The following PCDHA10 variants were observed in gnomAD, a reference collection of about 807,000 sequenced individuals.
The protein encoded by PCDHA10 is protocadherin alpha 10, also known as protocadherin alpha-10.
PCDHA10 carries 45 observed loss-of-function variants against 61.2 expected under a neutral mutation model. The ratio of observed to expected loss-of-function variants is 0.74; its 90% confidence interval spans 0.58 to 0.94. The LOEUF is 0.94. Among genes scored for constraint, PCDHA10 ranks in the 40% least tolerant of loss-of-function variants. The probability of loss-of-function intolerance (pLI) is 0.00; values close to 1 mark genes in which losing one functional copy is unlikely to be tolerated. For missense variants in PCDHA10, 1,278 were observed against 1,236.2 expected (o/e 1.03, Z -0.51); for synonymous variants, 602 against 548.8 (o/e 1.10, Z -1.35).
At chr5:140,889,745 T>G (rs1295441616) in intron 1 of PCDHA10, among the ~76,000 whole-genome samples, 2 of 152,202 alleles carry the variant, frequency 1.3e-5, no homozygotes, top group Non-Finnish European at 2.9e-5. Flanking sequence ...CAGAGTCTAA[T>G]TTTTCTTTCC....
chr5:140,916,210 A>G, intron 1 of PCDHA10, among the ~76,000 whole-genome samples: 1 of 152,210 alleles, frequency 6.6e-6, no homozygotes, highest in East Asian at 1.9e-4. Context: ...GCCCTGGGGA[A>G]GATCCAAATA....
At chr5:140,867,070 CA>C (rs1214152735) in intron 1 of PCDHA10, 1 of 152,124 alleles carries the variant, frequency 6.6e-6, no homozygotes, top group Non-Finnish European at 1.5e-5. Flanking sequence ...TATATATTCA[CA>C]AAATACTGTA....
intron 1 of PCDHA10, among the ~76,000 whole-genome samples, chr5:140,897,927 C>T (rs2066407931): frequency 6.6e-6 from 1 of 152,196 alleles, no homozygotes. Context: ...ATTTGCGTTT[C>T]TCTGATGGCC....
intron 1 of PCDHA10, chr5:140,870,539 G>C (rs367673976): frequency 1.2e-5 from 20 of 1,614,040 alleles, no homozygotes; most frequent in Admixed American, 1.7e-5. Context: ...GTGTCGGCGC[G>C]GGACGCGGAC....
intron 1 of PCDHA10, among the ~76,000 whole-genome samples, chr5:140,945,351 A>C (rs1368185977): frequency 6.6e-6 from 1 of 152,138 alleles, no homozygotes; most frequent in Admixed American, 6.5e-5. Flanking sequence ...GGAAAAATTA[A>C]TACTGTTTAA....
chr5:140,875,564 T>C (rs1327477761), intron 1 of PCDHA10: 1 of 1,614,048 alleles, frequency 6.2e-7, no homozygotes, highest in African/African-American at 1.3e-5. Flanking sequence ...AGCGGCCAGC[T>C]CCACTACTCC....
At chr5:140,920,960 A>C (rs1554200006) in intron 1 of PCDHA10, among the ~76,000 whole-genome samples, 1 of 151,930 alleles carries the variant, frequency 6.6e-6, no homozygotes, top group Admixed American at 6.6e-5. Flanking sequence ...CTACACATGT[A>C]GTACTAGAGT....
chr5:140,910,715 A>C (rs2075137767), intron 1 of PCDHA10, among the ~76,000 whole-genome samples: 1 of 152,118 alleles, frequency 6.6e-6, no homozygotes, highest in Admixed American at 6.5e-5. Flanking sequence ...GCCATCTTTT[A>C]ATCCATATTT....
chr5:140,999,304 C>G (rs1587831145), intron 3 of PCDHA10, among the ~76,000 whole-genome samples: 2 of 152,190 alleles, frequency 1.3e-5, no homozygotes, highest in East Asian at 3.8e-4. Flanking sequence ...TTCAGAATTT[C>G]TTCATGACAG....
intron 3 of PCDHA10, among the ~76,000 whole-genome samples, chr5:140,985,651 T>A (rs1413086230): frequency 6.6e-6 from 1 of 151,992 alleles, no homozygotes; most frequent in Non-Finnish European, 1.5e-5. Context: ...ACACTTGCAA[T>A]GGCTGAATAA....
At chr5:140,904,125 C>G (rs2070849198) in intron 1 of PCDHA10, among the ~76,000 whole-genome samples, 1 of 151,972 alleles carries the variant, frequency 6.6e-6, no homozygotes, top group East Asian at 1.9e-4. Flanking sequence ...TTTTGGTGCA[C>G]CCATCACCCG....
intron 1 of PCDHA10, chr5:140,863,483 G>A: frequency 4.3e-6 from 2 of 464,772 alleles, no homozygotes; most frequent in Non-Finnish European, 8.6e-6. Context: ...CGCCTCCCAA[G>A]GTCAACATTA....
intron 1 of PCDHA10, among the ~76,000 whole-genome samples, chr5:140,978,727 G>A (rs1382730289): frequency 1.3e-5 from 2 of 152,198 alleles, no homozygotes; most frequent in South Asian, 2.1e-4. Flanking sequence ...TATTAAATCT[G>A]GTCTTCCAGG....
intron 1 of PCDHA10, among the ~76,000 whole-genome samples, chr5:140,943,803 G>A (rs1429767850): frequency 6.6e-6 from 1 of 152,214 alleles, no homozygotes; most frequent in Non-Finnish European, 1.5e-5. Flanking sequence ...AAGCAAAAGA[G>A]GAAAGTTTGA....
intron 2 of PCDHA10, among the ~76,000 whole-genome samples, chr5:140,979,550 T>C (rs1201791524): frequency 5.3e-5 from 8 of 152,238 alleles, no homozygotes; most frequent in Non-Finnish European, 7.3e-5. Flanking sequence ...ACATGGTTCT[T>C]CAGAAGATGA....
intron 1 of PCDHA10, chr5:140,870,750 G>C: frequency 1.2e-6 from 2 of 1,613,506 alleles, no homozygotes; most frequent in Non-Finnish European, 1.7e-6. Flanking sequence ...GCAACGTGAC[G>C]CTGCAGGTGT....
chr5:140,915,513 A>T (rs2077156707), intron 1 of PCDHA10, among the ~76,000 whole-genome samples: 2 of 152,124 alleles, frequency 1.3e-5, no homozygotes, highest in African/African-American at 2.4e-5. Context: ...GTTTTTGCAG[A>T]CTAGTAGAGG....
rs17844338 is a variant in PCDHA10 at position 140,856,229 on chromosome 5, C to G, written c.181C>G (p.Arg61Gly). 6.3e-7 allele frequency: 1 copy of G among 1,597,934 alleles called. No individual in the cohort carries two copies. The highest frequency in any genetic ancestry group is 1.1e-5 in the South Asian group (1 of 90,502). The change falls in exon 1 of 4, where the codon CGC becomes GGC. Residue 61 changes from arginine (R) to glycine (G), a missense_variant. By Grantham distance (125) the Arg-to-Gly change is moderately radical. Transcript: ENST00000307360. ...LGLELAELVQ[R>G]LFRVASKRHG... ...GCTGGAGCTGGCGGAGCTGGTGCAG[C>G]GCCTGTTCCGGGTGGCGTCCAAAAG... is the stretch of plus-strand genomic sequence containing the variant.
intron 3 of PCDHA10, among the ~76,000 whole-genome samples, chr5:140,994,608 G>C (rs1231327885): frequency 1.3e-5 from 2 of 152,098 alleles, no homozygotes; most frequent in Admixed American, 1.3e-4. Context: ...GGGAGGCTGA[G>C]GCACGAGAGT....
Sources: gnomAD v4.1 joint callset for allele counts (sites outside exome capture counted in the v4.1 genomes callset) on GRCh38, gnomAD v4.1.1 for gene constraint, MANE v1.5 for transcripts, NCBI Gene and HGNC (gene_info 2026-07-23, HGNC 2026-07-21) for gene names.